Variants in TTC3 observed in about 807,000 individuals in gnomAD.
TTC3 encodes E3 ubiquitin-protein ligase TTC3.
Under a neutral mutation model 249.6 loss-of-function variants are expected in TTC3, and 180 were observed. That is an observed-to-expected ratio of 0.72 (90% CI 0.64 to 0.82). The LOEUF is 0.82. Among genes scored for constraint, TTC3 ranks in the 40% least tolerant of loss-of-function variants. The pLI is 0.00. For synonymous variants in TTC3, 717 were observed against 805.0 expected, an observed-to-expected ratio of 0.89 and a Z score of 1.85; for missense variants, 2,061 against 2,398.4, an observed-to-expected ratio of 0.86 and a Z score of 2.94.
intron 20 of TTC3, among the ~76,000 whole-genome samples, 166 bp from the exon 21 acceptor site, chr21:37,144,359 T>C (rs73393126): frequency 5.7e-4 from 86 of 152,210 alleles, no homozygotes; most frequent in African/African-American, 2.0e-3. Flanking sequence ...CAAACAGCAA[T>C]AGTGACTTTG....
chr21:37,187,120 G>A, exon 38 of TTC3: 1 of 1,579,360 alleles, frequency 6.3e-7, no homozygotes. Context: ...TATGAAGAGA[G>A]TCATCAGAGA....
chr21:37,121,754 T>C, intron 11 of TTC3, 63 bp from the exon 12 acceptor site: 1 of 1,434,330 alleles, frequency 7.0e-7, no homozygotes, highest in Non-Finnish European at 9.3e-7. Context: ...CATTTTTCCT[T>C]ACCTGTTTTC....
chr21:37,118,047 T>G (rs898544341), intron 11 of TTC3, among the ~76,000 whole-genome samples: 2 of 152,008 alleles, frequency 1.3e-5, no homozygotes, highest in African/African-American at 4.8e-5. Flanking sequence ...TGCAGAAATA[T>G]TTGTATAGAT....
At chr21:37,175,616 A>AAT (rs1279129144) in intron 35 of TTC3, among the ~76,000 whole-genome samples, 9 of 151,220 alleles carry the variant, frequency 6.0e-5, no homozygotes, top group Non-Finnish European at 1.0e-4. Flanking sequence ...AAAAAAAAAA[A>AAT]AGAATGCTTA....
chr21:37,192,003 A>T, intron 40 of TTC3, 109 bp from the exon 41 acceptor site: 1 of 676,012 alleles, frequency 1.5e-6, no homozygotes, highest in Non-Finnish European at 2.5e-6. Flanking sequence ...ATGAGGTCTT[A>T]TTTTGAATTT....
chr21:37,166,247 T>A, exon 33 of TTC3: 1 of 1,614,214 alleles, frequency 6.2e-7, no homozygotes, highest in South Asian at 1.1e-5. Context: ...TTTGCCCCAG[T>A]ACACCAGCAT....
chr21:37,125,601 TA>T (rs2076984376), intron 14 of TTC3, among the ~76,000 whole-genome samples: 1 of 151,984 alleles, frequency 6.6e-6, no homozygotes, highest in South Asian at 2.1e-4. Flanking sequence ...ATCGCTATTA[TA>T]ATTGATCTTT....
intron 27 of TTC3, among the ~76,000 whole-genome samples, 154 bp from the exon 28 acceptor site, chr21:37,156,501 A>G (rs925118219): frequency 1.3e-5 from 2 of 152,246 alleles, no homozygotes; most frequent in African/African-American, 2.4e-5. Flanking sequence ...AAAATGCCCA[A>G]TAGCTTGAAC....
chr21:37,132,313 A>G (rs965726645), intron 16 of TTC3, among the ~76,000 whole-genome samples: 4 of 150,724 alleles, frequency 2.7e-5, no homozygotes, highest in Non-Finnish European at 5.9e-5. Context: ...GAGCGAACTA[A>G]TATTCAGATT....
chr21:37,126,142 A>G, exon 15 of TTC3: 1 of 1,611,488 alleles, frequency 6.2e-7, no homozygotes, highest in Non-Finnish European at 8.5e-7. Context: ...CACCACCATC[A>G]AGTGAGTATT....
intron 1 of TTC3, chr21:37,087,031 C>A: frequency 1.9e-6 from 1 of 535,708 alleles, no homozygotes; most frequent in Non-Finnish European, 3.3e-6. Context: ...ATATGTGAAC[C>A]TGAGGAAAGG....
At chr21:37,086,658 A>G (rs1478872595) in intron 1 of TTC3, 1 of 152,738 alleles carries the variant, frequency 6.5e-6, no homozygotes, top group Non-Finnish European at 1.5e-5. Context: ...GAGTTAGGAG[A>G]TTGGCAGACT....
rs1311573817 is a variant in TTC3, at chr21:37,095,330, C to T, written c.688-20C>T. On this transcript the variant is annotated intron_variant, in intron 8 of 45. Coordinates refer to ENST00000355666, the Ensembl canonical transcript of TTC3. The stretch of plus-strand genomic sequence containing the variant: ...TTTTTGGAGGTCATTGATGGGTCTT[C>T]TTTCACCTTGGTTTCTCAGGAAGGA... The T allele has an allele frequency of 1.9e-6, 3 of 1,564,576 alleles. No homozygotes were observed. The highest frequency in any genetic ancestry group is 1.4e-5 in the African/African-American group (1 of 72,742).
intron 16 of TTC3, 59 bp downstream of exon 16, chr21:37,129,122 G>T: frequency 1.5e-6 from 2 of 1,324,204 alleles, no homozygotes; most frequent in South Asian, 1.5e-5. Context: ...CCAAGAAAAA[G>T]GAAAAAAAAT....
At chr21:37,104,572 G>A (rs1196685700) in intron 10 of TTC3, among the ~76,000 whole-genome samples, 1 of 121,472 alleles carries the variant, frequency 8.2e-6, no homozygotes, top group African/African-American at 3.2e-5. Context: ...CCTCGGCGAC[G>A]AGCAAAACTC....
At chr21:37,176,351 A>C (rs1357088572) in intron 35 of TTC3, among the ~76,000 whole-genome samples, 1 of 152,222 alleles carries the variant, frequency 6.6e-6, no homozygotes, top group Non-Finnish European at 1.5e-5. Context: ...AAGAAACCCC[A>C]TATTTATTAA....
At chr21:37,200,284 A>G (rs1338086841) in exon 45 of TTC3, 1 of 1,614,128 alleles carries the variant, frequency 6.2e-7, no homozygotes, top group Admixed American at 1.7e-5. Context: ...AAATCAAAAA[A>G]CGTGCGTGTG....
At position 37,167,706 on chromosome 21, in the gene TTC3, G is replaced by A. The variant is rs2081373322; in HGVS notation, c.4467+86G>A. On this transcript the variant is annotated intron_variant, in intron 34 of 45. Coordinates refer to ENST00000355666, the Ensembl canonical transcript of TTC3. ...AATGATGAACTAGAACTATTTTGGA[G>A]TCAGCTTATTCCACACAAAGTTATC... 9 of 1,029,048 alleles carry A rather than the reference G, an allele frequency of 8.7e-6. No homozygotes were observed. The East Asian group carries it at 2.2e-4, about 25-fold the overall frequency. The allele number at this position is 1,029,048 out of a possible 1,614,324, so 63.7% of individuals were successfully genotyped here. A position where few individuals can be genotyped will look rare whatever the true frequency, so the allele number is the denominator to read the frequency against.
In TTC3 at chr21:37,128,998, C is replaced by G; in HGVS notation, c.1298-5C>G. On this transcript the variant is annotated splice_polypyrimidine_tract_variant and splice_region_variant and intron_variant, in intron 15 of 45. Transcript: ENST00000355666. ...TTTTAGGAACAAATACTTTTGTGTT[C>G]ACAGGTCAGCCTCCAAAACATAAAG... 6.3e-7 allele frequency: 1 copy of G among 1,575,494 alleles called. No homozygotes were observed. Among genetic ancestry groups the G allele is most frequent in the Non-Finnish European group, 8.6e-7 (1 of 1,163,422 alleles).
Sources: gnomAD v4.1 joint callset for allele counts (sites outside exome capture counted in the v4.1 genomes callset) on GRCh38, gnomAD v4.1.1 for gene constraint, MANE v1.5 for transcripts, NCBI Gene and HGNC (gene_info 2026-07-23, HGNC 2026-07-21) for gene names.